The following KAT6B variants were observed in gnomAD, a reference collection of about 807,000 sequenced individuals.
The protein encoded by KAT6B is histone acetyltransferase KAT6B.
KAT6B carries 10 observed loss-of-function variants against 187.5 expected under a neutral mutation model. That is an observed-to-expected ratio of 0.05 (90% CI 0.03 to 0.09). The LOEUF is 0.09. Ranked by LOEUF, KAT6B falls within the 10% of genes least tolerant of loss-of-function variation. KAT6B has a pLI of 1.00. For synonymous variants in KAT6B, 861 were observed against 926.8 expected, an observed-to-expected ratio of 0.93 and a Z score of 1.29; for missense variants, 1,952 against 2,558.9, an observed-to-expected ratio of 0.76 and a Z score of 5.12.
intron 3 of KAT6B, among the ~76,000 whole-genome samples, chr10:74,863,682 C>A (rs977808929): frequency 9.9e-5 from 15 of 152,262 alleles, no homozygotes; most frequent in African/African-American, 3.4e-4. Flanking sequence ...CTTTGCATTT[C>A]TTTGATTACT....
intron 13 of KAT6B, among the ~76,000 whole-genome samples, chr10:75,015,341 A>G (rs1041844377): frequency 1.3e-5 from 2 of 152,206 alleles, no homozygotes; most frequent in Non-Finnish European, 2.9e-5. Context: ...AAGCAGTAAG[A>G]TATCAGGCAG....
intron 3 of KAT6B, among the ~76,000 whole-genome samples, chr10:74,860,019 T>C (rs1165410048): frequency 1.3e-5 from 2 of 152,240 alleles, no homozygotes; most frequent in African/African-American, 4.8e-5. Flanking sequence ...AGAGCTAGCA[T>C]TGAGAACACT....
intron 3 of KAT6B, among the ~76,000 whole-genome samples, chr10:74,901,268 A>G (rs991867677): frequency 6.6e-6 from 1 of 152,330 alleles, no homozygotes; most frequent in African/African-American, 2.4e-5. Flanking sequence ...GGAGGTTTTC[A>G]TGCTTTAATT....
chr10:74,991,129 A>G lies in KAT6B; in HGVS notation c.2629+2017A>G, dbSNP rs575575326. On this transcript the variant is annotated intron_variant, in intron 13 of 17. Coordinates refer to ENST00000287239, the MANE Select transcript of KAT6B (RefSeq NM_012330.4). ...TATTTTATCTTATACCATATTCTAT[A>G]TGGTATCACACTTACACTCTGTTCA... Among the ~76,000 whole-genome samples the G allele has an allele frequency of 6.6e-5, 10 of 152,276 alleles. No individual in the cohort carries two copies. The East Asian group carries it at 7.7e-4, about 12-fold the overall frequency.
intron 17 of KAT6B, among the ~76,000 whole-genome samples, chr10:75,027,588 T>C (rs1477144974): frequency 6.6e-6 from 1 of 151,742 alleles, no homozygotes; most frequent in East Asian, 1.9e-4. Context: ...TTTATTAATA[T>C]ATATTTATTA....
chr10:75,020,882 G>C, intron 14 of KAT6B, 69 bp downstream of exon 14: 1 of 1,298,348 alleles, frequency 7.7e-7, no homozygotes, highest in South Asian at 1.2e-5. Context: ...CCTGGAGATA[G>C]GTGCATTCAT....
At chr10:74,943,043 A>G (rs963517516) in intron 3 of KAT6B, among the ~76,000 whole-genome samples, 4 of 152,174 alleles carry the variant, frequency 2.6e-5, no homozygotes, top group African/African-American at 9.6e-5. Context: ...AAGAACTAAT[A>G]GTGTCTCTAG....
chr10:74,955,700 C>T lies in KAT6B; in HGVS notation c.622-4270C>T, dbSNP rs192501334. Among the ~76,000 whole-genome samples, 133 of 152,050 alleles carry T rather than the reference C, an allele frequency of 8.7e-4. 1 individual carries two copies. Among genetic ancestry groups the T allele is most frequent in the Admixed American group, 1.4e-3 (21 of 15,280 alleles). On this transcript the variant is annotated intron_variant, in intron 3 of 17. Coordinates refer to ENST00000287239, the MANE Select transcript of KAT6B (RefSeq NM_012330.4). ...TATTTCAACATATATCTGCTAAAAACGAAGATATTCTCCTACATAATCAGA... is the reference window on the plus strand; with the variant it reads ...TATTTCAACATATATCTGCTAAAAATGAAGATATTCTCCTACATAATCAGA...
At position 75,030,816 on chromosome 10, in the gene KAT6B, T is replaced by C. The variant is rs761909075; in HGVS notation, c.5992T>C (p.Ser1998Pro). ...TLNAMNGYSM[S>P]QPMMNSGYHS... ...CAACGCCATGAATGGGTACAGCATG[T>C]CCCAGCCAATGATGAACAGTGGCTA... The change falls in exon 18 of 18, where the codon TCC (serine) becomes CCC (proline). Residue 1998 changes from serine to proline, a missense_variant. Ser to Pro is a moderately conservative substitution (Grantham distance 74). This residue lies in a region of KAT6B where 358 missense variants were observed against 436.3 expected (regional missense o/e 0.82). Coordinates refer to ENST00000287239, the MANE Select transcript of KAT6B (RefSeq NM_012330.4). The surrounding 1 kb of genome is among the most constrained non-coding windows in gnomAD (Gnocchi z 4.8). The C allele has an allele frequency of 9.3e-6, 15 of 1,614,026 alleles. No individual in the cohort carries two copies. In the Admixed American group the frequency reaches 2.5e-4, roughly 27 times the overall value.
chr10:74,888,544 C>A (rs1223536032), intron 3 of KAT6B, among the ~76,000 whole-genome samples: 1 of 152,054 alleles, frequency 6.6e-6, no homozygotes, highest in African/African-American at 2.4e-5. Flanking sequence ...ATGATTTTAT[C>A]CCATCAGATT....
In KAT6B at chr10:75,025,098, G is replaced by A. The variant is rs1345405113; in HGVS notation, c.3513G>A (p.Gln1171=). Residue 1171 remains glutamine, a synonymous_variant, in exon 17 of 18, where the codon CAG becomes CAA. Coordinates refer to ENST00000287239, the MANE Select transcript of KAT6B (RefSeq NM_012330.4). ...CAGATGAAGAGAGGCCAATGCCACA[G>A]CTGGAGCCTACCTGTGAGATTGAAG... ...DNSDEERPMP[Q]LEPTCEIEVE... is the part of the protein sequence containing the mutation. 3.7e-6 allele frequency: 6 copies of A among 1,614,110 alleles called. 1 individual carries two copies. The African/African-American group carries it at 5.3e-5, about 14-fold the overall frequency.
chr10:74,888,995 A>G (rs1169771932), intron 3 of KAT6B, among the ~76,000 whole-genome samples: 1 of 152,210 alleles, frequency 6.6e-6, no homozygotes, highest in African/African-American at 2.4e-5. Context: ...ACATTTCTGA[A>G]ATCAGCGTAT....
intron 13 of KAT6B, among the ~76,000 whole-genome samples, chr10:75,018,533 G>A (rs1437855191): frequency 1.3e-5 from 2 of 152,354 alleles, no homozygotes; most frequent in South Asian, 4.1e-4. Flanking sequence ...ATGAACAGCT[G>A]CGGAAAGCGT....
intron 13 of KAT6B, among the ~76,000 whole-genome samples, chr10:74,990,188 C>G (rs1264011715): frequency 2.0e-5 from 2 of 100,458 alleles, no homozygotes; most frequent in East Asian, 3.4e-4. Flanking sequence ...GAGTGAGAGA[C>G]TCTGTCTCAA....
At chr10:74,891,219 G>C (rs1845624435) in intron 3 of KAT6B, among the ~76,000 whole-genome samples, 1 of 152,248 alleles carries the variant, frequency 6.6e-6, no homozygotes, top group Admixed American at 6.5e-5. Context: ...TCCATTGCCA[G>C]CTCGACCTTG....
At chr10:75,025,495 GA>G in intron 17 of KAT6B, 1 of 440,398 alleles carries the variant, frequency 2.3e-6, no homozygotes, top group Non-Finnish European at 4.1e-6. Context: ...TTACTTACCA[GA>G]AATTGGCTTA....
At chr10:74,869,247 GT>G (rs112403714) in intron 3 of KAT6B, among the ~76,000 whole-genome samples, 112 of 149,476 alleles carry the variant, frequency 7.5e-4, no homozygotes, top group Middle Eastern at 3.4e-3. Flanking sequence ...CAGCTATGCA[GT>G]TTTTTTTTTA....
intron 3 of KAT6B, among the ~76,000 whole-genome samples, chr10:74,958,246 G>T (rs888055548): frequency 2.0e-5 from 3 of 152,176 alleles, no homozygotes; most frequent in Non-Finnish European, 4.4e-5. Context: ...CATGTATTCA[G>T]TTAGCAGATA....
intron 17 of KAT6B, 149 bp downstream of exon 17, chr10:75,025,398 C>G: frequency 1.4e-6 from 1 of 707,396 alleles, no homozygotes; most frequent in South Asian, 1.7e-5. Flanking sequence ...CTTTCCCATC[C>G]TTACAAGCTT....
Sources: allele counts gnomAD v4.1 joint callset (sites outside exome capture counted in the v4.1 genomes callset), GRCh38; gene constraint gnomAD v4.1.1; regional missense constraint gnomAD v4.1.1; non-coding constraint Gnocchi (gnomAD v3.1); transcripts MANE v1.5; gene names NCBI Gene and HGNC (gene_info 2026-07-23, HGNC 2026-07-21).